CACNA1B: variants seen among roughly 807,000 people sequenced by gnomAD.
The protein encoded by CACNA1B is voltage-dependent N-type calcium channel subunit alpha-1B.
In CACNA1B, 70 loss-of-function variants were observed where a neutral mutation model predicts 247.2. That is an observed-to-expected ratio of 0.28 (90% confidence interval 0.23 to 0.35). The LOEUF is 0.35. Ranked by LOEUF, CACNA1B falls within the 10% of genes least tolerant of loss-of-function variation. The pLI is 1.00. For synonymous variants in CACNA1B, 1,231 were observed against 1,294.4 expected (o/e 0.95, Z 1.05); for missense variants, 2,367 against 3,197.4 (o/e 0.74, Z 6.26).
rs1037942809 is a variant in CACNA1B at position 138,054,909 on chromosome 9, T to C, written c.3968+903T>C. 1.3e-5 allele frequency among the ~76,000 whole-genome samples: 2 copies of C among 152,178 alleles called. No homozygotes were observed. Among genetic ancestry groups the C allele is most frequent in the Non-Finnish European group, 2.9e-5 (2 of 68,036 alleles). On this transcript the variant is annotated intron_variant, in intron 26 of 46. Coordinates refer to ENST00000371372, the MANE Select transcript of CACNA1B (RefSeq NM_000718.4). This position sits in a 1 kb window ranked among gnomAD's most constrained non-coding sequence, Gnocchi z 4.6. ...ACCAATGAGATTGAGCCCCCTTTGCTAGGGGGATTGGCCGCTTAGGTGTTC... is the reference window on the plus strand; with the variant it reads ...ACCAATGAGATTGAGCCCCCTTTGCCAGGGGGATTGGCCGCTTAGGTGTTC...
intron 38 of CACNA1B, among the ~76,000 whole-genome samples, chr9:138,103,405 G>A (rs2131350855): frequency 6.6e-6 from 1 of 152,332 alleles, no homozygotes; most frequent in Non-Finnish European, 1.5e-5. Flanking sequence ...AAGGGGTGCT[G>A]GGGAGAGGCA....
chr9:138,052,227 T>TGTGTGTGC lies in CACNA1B; in HGVS notation c.3807+47_3807+54dup. 1.9e-6 allele frequency: 2 copies of TGTGTGTGC among 1,033,108 alleles called. No individual in the cohort carries two copies. The allele number at this position is 1,033,108 out of a possible 1,614,324, so 64.0% of individuals were successfully genotyped here. ...GTTGGGGCTTGAGGGATGTGCTGTG[T>TGTGTGTGC]GTGTGTGCGTGTGTGTGTGTGCGTG... On this transcript the variant is annotated intron_variant, in intron 25 of 46. Transcript: ENST00000371372. This position sits in a 1 kb window ranked among gnomAD's most constrained non-coding sequence, Gnocchi z 5.1.
intron 37 of CACNA1B, among the ~76,000 whole-genome samples, chr9:138,098,755 A>G (rs185839766): frequency 1.4e-3 from 206 of 152,310 alleles, no homozygotes; most frequent in African/African-American, 4.6e-3. Context: ...TAAACAACAG[A>G]ATACAGGCCT....
chr9:137,989,855 A>C (rs1391830083), intron 15 of CACNA1B, among the ~76,000 whole-genome samples: 4 of 152,210 alleles, frequency 2.6e-5, no homozygotes, highest in Non-Finnish European at 5.9e-5. Context: ...TTTTTACCCA[A>C]GAAGAAATTA....
At chr9:138,097,298 C>T (rs964274858) in intron 37 of CACNA1B, among the ~76,000 whole-genome samples, 20 of 152,022 alleles carry the variant, frequency 1.3e-4, no homozygotes, top group African/African-American at 4.3e-4. Flanking sequence ...GAGGAGGAGT[C>T]GCATGAAGGG....
At chr9:138,002,311 G>A (rs1024482913) in intron 15 of CACNA1B, among the ~76,000 whole-genome samples, 8 of 152,192 alleles carry the variant, frequency 5.3e-5, no homozygotes, top group South Asian at 2.1e-4. Context: ...TTGGCTTTCC[G>A]TATGAAAAAA....
rs1325957049 is a variant in CACNA1B at position 137,881,061 on chromosome 9, C to T, written c.391-1683C>T. 6.6e-6 allele frequency among the ~76,000 whole-genome samples: 1 copy of T among 152,242 alleles called. No homozygotes were observed. The highest frequency in any genetic ancestry group is 1.5e-5 in the Non-Finnish European group (1 of 68,026). On this transcript the variant is annotated intron_variant, in intron 2 of 46. Coordinates refer to ENST00000371372, the MANE Select transcript of CACNA1B (RefSeq NM_000718.4). The surrounding 1 kb of genome is among the most constrained non-coding windows in gnomAD (Gnocchi z 4.3). ...GCTCGGGCTGGGGGCTCCTTCCCAG[C>T]TGAGGGTGCTGGCTGGTCCTTCCTA...
At chr9:138,075,798 C>T in intron 34 of CACNA1B, 21 bp from the exon 35 acceptor site, 1 of 1,535,778 alleles carries the variant, frequency 6.5e-7, no homozygotes, top group Non-Finnish European at 9.0e-7. Flanking sequence ...GGGTCCGTGC[C>T]ATTGCTCTTC....
intron 22 of CACNA1B, 64 bp from the exon 23 acceptor site, chr9:138,047,335 A>C (rs1441915051): frequency 3.9e-6 from 5 of 1,282,504 alleles, no homozygotes; most frequent in Non-Finnish European, 5.7e-6. Flanking sequence ...ACTCGGAGCC[A>C]CCGAGGGCAC....
chr9:137,982,265 A>G (rs556509110), intron 12 of CACNA1B, among the ~76,000 whole-genome samples: 40 of 152,276 alleles, frequency 2.6e-4, no homozygotes, highest in African/African-American at 9.4e-4. Flanking sequence ...ATGGCTGTCA[A>G]TGGACCTCAA....
At chr9:138,002,929 T>C (rs1456351296) in intron 15 of CACNA1B, among the ~76,000 whole-genome samples, 1 of 151,622 alleles carries the variant, frequency 6.6e-6, no homozygotes. Flanking sequence ...GCCTCCCGAA[T>C]AGCTGGGATT....
chr9:138,017,728 C>T (rs986045154), intron 18 of CACNA1B, among the ~76,000 whole-genome samples: 7 of 152,222 alleles, frequency 4.6e-5, no homozygotes, highest in Non-Finnish European at 1.0e-4. Flanking sequence ...GTAGACCACC[C>T]AGGGCCCAAG....
Position 138,072,131 on chromosome 9 carries a change from C to T in CACNA1B, c.4675-1357C>T, listed in dbSNP as rs189906208. Among the ~76,000 whole-genome samples the T allele has an allele frequency of 4.6e-4, 70 of 152,278 alleles. 1 individual carries two copies. The East Asian group carries it at 7.4e-3, about 16-fold the overall frequency. ...GTCACACCCTGAGGTCTACTGCTGC[C>T]GCCTTGCTGATTTGGATCATAGCCC... On this transcript the variant is annotated intron_variant, in intron 32 of 46. Coordinates refer to ENST00000371372, the MANE Select transcript of CACNA1B (RefSeq NM_000718.4). This position sits in a 1 kb window ranked among gnomAD's most constrained non-coding sequence, Gnocchi z 4.5.
intron 13 of CACNA1B, among the ~76,000 whole-genome samples, chr9:137,984,776 T>C (rs1282935411): frequency 1.3e-5 from 2 of 152,188 alleles, no homozygotes; most frequent in African/African-American, 4.8e-5. Context: ...ACGATGGCAG[T>C]GACAAGACCA....
intron 20 of CACNA1B, among the ~76,000 whole-genome samples, chr9:138,027,190 TG>T (rs1471226838): frequency 6.6e-6 from 1 of 152,234 alleles, no homozygotes; most frequent in Non-Finnish European, 1.5e-5. Context: ...TATGTGTTTT[TG>T]CAAGCATTTT....
At chr9:138,045,992 T>TG (rs1354028566) in intron 21 of CACNA1B, among the ~76,000 whole-genome samples, 1 of 152,120 alleles carries the variant, frequency 6.6e-6, no homozygotes, top group Non-Finnish European at 1.5e-5. Context: ...GCCCTCGTGA[T>TG]GGGGGCCGTC....
chr9:138,005,975 G>C (rs891164199), intron 15 of CACNA1B, among the ~76,000 whole-genome samples: 7 of 150,506 alleles, frequency 4.7e-5, no homozygotes, highest in African/African-American at 1.5e-4. Flanking sequence ...CCTGGGAGAC[G>C]GAGCTTGCAG....
intron 23 of CACNA1B, among the ~76,000 whole-genome samples, chr9:138,048,202 G>T (rs1170440183): frequency 6.6e-6 from 1 of 152,216 alleles, no homozygotes; most frequent in African/African-American, 2.4e-5. Flanking sequence ...TTACAGATGA[G>T]GAAGCTGACC....
At chr9:138,069,958 T>C (rs1229351232) in intron 32 of CACNA1B, among the ~76,000 whole-genome samples, 195 bp downstream of exon 32, 2 of 152,192 alleles carry the variant, frequency 1.3e-5, no homozygotes, top group Admixed American at 1.3e-4. Context: ...CTGAGGGCCC[T>C]CCTGGCAGCG....
Sources: gnomAD v4.1 joint callset for allele counts (sites outside exome capture counted in the v4.1 genomes callset) on GRCh38, gnomAD v4.1.1 for gene constraint, Gnocchi (gnomAD v3.1) non-coding constraint, MANE v1.5 for transcripts, NCBI Gene and HGNC (gene_info 2026-07-23, HGNC 2026-07-21) for gene names.